FILIP1L: variants seen among roughly 807,000 people sequenced by gnomAD.
The protein encoded by FILIP1L is filamin A-interacting protein 1-like.
FILIP1L carries 55 observed loss-of-function variants against 96.6 expected under a neutral mutation model. That is an observed-to-expected ratio of 0.57 (90% confidence interval 0.46 to 0.71). FILIP1L has a LOEUF of 0.71. Among genes scored for constraint, FILIP1L ranks in the 30% least tolerant of loss-of-function variants. The pLI is 0.00. For missense variants in FILIP1L, 1,304 were observed against 1,321.2 expected, an observed-to-expected ratio of 0.99 and a Z score of 0.20; for synonymous variants, 467 against 473.9, an observed-to-expected ratio of 0.99 and a Z score of 0.19.
chr3:99,960,893 G>A (rs1708470514), intron 1 of FILIP1L, among the ~76,000 whole-genome samples: 1 of 152,192 alleles, frequency 6.6e-6, no homozygotes, highest in Admixed American at 6.5e-5. Context: ...TGTACTCTGT[G>A]TGTTTGGCAG....
At chr3:100,048,126 C>T (rs920550551) in intron 1 of FILIP1L, among the ~76,000 whole-genome samples, 1 of 152,234 alleles carries the variant, frequency 6.6e-6, no homozygotes, top group African/African-American at 2.4e-5. Flanking sequence ...TGTCTTCCTG[C>T]ATTCTGGCCC....
intron 1 of FILIP1L, among the ~76,000 whole-genome samples, chr3:99,990,264 T>C (rs568744851): frequency 8.5e-5 from 13 of 152,220 alleles, no homozygotes; most frequent in Non-Finnish European, 1.6e-4. Flanking sequence ...CAGAAAGAGA[T>C]AGACATTCTG....
At chr3:99,971,120 T>A (rs112676473) in intron 1 of FILIP1L, among the ~76,000 whole-genome samples, 1 of 151,904 alleles carries the variant, frequency 6.6e-6, no homozygotes, top group Non-Finnish European at 1.5e-5. Flanking sequence ...GGCGGATCAC[T>A]AGGTCAGGAG....
At chr3:99,896,555 C>T (rs1292243665) in intron 4 of FILIP1L, among the ~76,000 whole-genome samples, 1 of 151,926 alleles carries the variant, frequency 6.6e-6, no homozygotes, top group Admixed American at 6.6e-5. Context: ...GAAATAGGAC[C>T]CTTTATTAAA....
chr3:99,862,594 C>T (rs1200903875), intron 4 of FILIP1L, among the ~76,000 whole-genome samples: 1 of 152,182 alleles, frequency 6.6e-6, no homozygotes, highest in Non-Finnish European at 1.5e-5. Flanking sequence ...CCAGGAGCAA[C>T]ACAGTACCTC....
intron 1 of FILIP1L, among the ~76,000 whole-genome samples, chr3:100,110,301 A>G (rs2066469041): frequency 6.6e-6 from 1 of 152,124 alleles, no homozygotes; most frequent in South Asian, 2.1e-4. Flanking sequence ...CCTAGTCACA[A>G]CCTGTCAGTT....
At chr3:100,076,158 C>T (rs929709815) in intron 1 of FILIP1L, among the ~76,000 whole-genome samples, 5 of 152,194 alleles carry the variant, frequency 3.3e-5, no homozygotes, top group African/African-American at 9.7e-5. Context: ...CCGGAAAACC[C>T]TTAAAAATGT....
chr3:100,019,943 T>C (rs2064777682), intron 1 of FILIP1L, among the ~76,000 whole-genome samples: 5 of 152,156 alleles, frequency 3.3e-5, no homozygotes, highest in Admixed American at 2.6e-4. Flanking sequence ...CAGGGGGGAA[T>C]GTGGCACAAG....
At chr3:99,846,205 A>T (rs1000801435) in intron 5 of FILIP1L, among the ~76,000 whole-genome samples, 2 of 152,256 alleles carry the variant, frequency 1.3e-5, no homozygotes, top group Admixed American at 6.5e-5. Flanking sequence ...GGGTGATGGG[A>T]ATCCCTTGGC....
intron 1 of FILIP1L, among the ~76,000 whole-genome samples, chr3:100,001,955 T>C (rs1709854264): frequency 6.6e-6 from 1 of 152,186 alleles, no homozygotes. Context: ...CTGGTTTTCA[T>C]CTCCAGTGGG....
At chr3:99,938,091 G>GCGCGCA (rs1491105137) in intron 1 of FILIP1L, among the ~76,000 whole-genome samples, 6 of 150,354 alleles carry the variant, frequency 4.0e-5, no homozygotes, top group African/African-American at 1.5e-4. Flanking sequence ...GCGCGCGCGC[G>GCGCGCA]TGCATGCACA....
intron 4 of FILIP1L, among the ~76,000 whole-genome samples, chr3:99,899,340 T>C (rs368989976): frequency 3.3e-5 from 5 of 152,314 alleles, no homozygotes; most frequent in South Asian, 4.1e-4. Context: ...TCATTTCTTA[T>C]TATGATGCAT....
At chr3:100,012,760 T>C (rs991243893) in intron 1 of FILIP1L, among the ~76,000 whole-genome samples, 2 of 142,540 alleles carry the variant, frequency 1.4e-5, no homozygotes, top group Non-Finnish European at 3.1e-5. Flanking sequence ...GGAAGCATAT[T>C]CTTTTTTTTT....
intron 1 of FILIP1L, among the ~76,000 whole-genome samples, chr3:100,057,751 G>A (rs1371040621): frequency 6.6e-6 from 1 of 152,162 alleles, no homozygotes; most frequent in Non-Finnish European, 1.5e-5. Context: ...ATGGATGTGA[G>A]CGTGGCTGGC....
intron 4 of FILIP1L, among the ~76,000 whole-genome samples, chr3:99,893,416 C>T (rs569696449): frequency 2.6e-5 from 4 of 152,216 alleles, no homozygotes; most frequent in South Asian, 4.2e-4. Context: ...CCGCCTGTCT[C>T]GGCCTCCCAA....
At chr3:99,967,612 C>A (rs551290868) in intron 1 of FILIP1L, among the ~76,000 whole-genome samples, 1 of 152,160 alleles carries the variant, frequency 6.6e-6, no homozygotes, top group Non-Finnish European at 1.5e-5. Context: ...TGGTCTCTCA[C>A]GACACATGCA....
chr3:99,978,401 TG>T (rs1709028357), intron 1 of FILIP1L, among the ~76,000 whole-genome samples: 1 of 152,156 alleles, frequency 6.6e-6, no homozygotes, highest in Non-Finnish European at 1.5e-5. Context: ...CATCAATAGA[TG>T]AATGGATAAA....
intron 2 of FILIP1L, 39 bp from the exon 3 acceptor site, chr3:99,930,068 C>A (rs1435237906): frequency 5.2e-6 from 8 of 1,524,842 alleles, no homozygotes; most frequent in African/African-American, 2.8e-5. Flanking sequence ...CCTGCTGTCT[C>A]TACCAGCAGT....
intron 4 of FILIP1L, among the ~76,000 whole-genome samples, chr3:99,865,513 G>A (rs1349626741): frequency 6.6e-6 from 1 of 152,090 alleles, no homozygotes; most frequent in Non-Finnish European, 1.5e-5. Context: ...TGAGACATTA[G>A]CAAATATTCT....
Sources: allele counts gnomAD v4.1 joint callset (sites outside exome capture counted in the v4.1 genomes callset), GRCh38; gene constraint gnomAD v4.1.1; transcripts MANE v1.5; gene names NCBI Gene and HGNC (gene_info 2026-07-23, HGNC 2026-07-21).